The following TRIM52 variants were observed in gnomAD, a reference collection of about 807,000 sequenced individuals.
The protein encoded by TRIM52 is tripartite motif containing 52, also known as E3 ubiquitin-protein ligase TRIM52.
In TRIM52, 24 loss-of-function variants were observed where a neutral mutation model predicts 27.0. The observed-to-expected ratio is 0.89, with a 90% CI of 0.64 to 1.25. The LOEUF is 1.25. Ranked by LOEUF, TRIM52 falls within the 50% of genes most tolerant of loss-of-function variation. TRIM52 has a pLI of 0.00. For missense variants in TRIM52, 351 were observed against 354.7 expected, an observed-to-expected ratio of 0.99 and a Z score of 0.08; for synonymous variants, 125 against 126.5, an observed-to-expected ratio of 0.99 and a Z score of 0.08.
downstream of TRIM52, among the ~76,000 whole-genome samples, chr5:181,252,019 T>C (rs144580494): frequency 3.4e-4 from 52 of 152,358 alleles, no homozygotes; most frequent in African/African-American, 9.9e-4. Context: ...CCTTTTTTGA[T>C]AGGAGAAGGT....
chr5:181,257,410 CAT>C (rs768041503), intron 1 of TRIM52: 1 of 1,604,372 alleles, frequency 6.2e-7, no homozygotes, highest in Admixed American at 1.7e-5. Context: ...ACTTTTCACA[CAT>C]CTTACTGATT....
chr5:181,260,946 A>G lies in TRIM52; in HGVS notation c.-133T>C, dbSNP rs1461252664. 9 of 1,365,454 alleles carry G rather than the reference A, an allele frequency of 6.6e-6. No individual in the cohort carries two copies. The highest frequency in any genetic ancestry group is 8.7e-6 in the Non-Finnish European group (9 of 1,034,336). 84.6% of individuals were successfully genotyped at this position (1,365,454 alleles called of 1,614,324 possible). A position where few individuals can be genotyped will look rare whatever the true frequency, so the allele number is the denominator to read the frequency against. On this transcript the variant is annotated 5_prime_UTR_variant, in exon 1 of 2. Coordinates refer to ENST00000688015, the MANE Select transcript of TRIM52 (RefSeq NM_001346048.2). This position sits in a 1 kb window ranked among gnomAD's most constrained non-coding sequence, Gnocchi z 4.4. The stretch of plus-strand genomic sequence containing the variant: ...CCTTGCTCTTCTTCCTCGGGGCCGC[A>G]GGGGAGCTTTGACCCCCTCTCTCAG...
In TRIM52 at chr5:181,256,805, G is replaced by A. The variant is rs2113242912; in HGVS notation, c.*4C>T. On this transcript the variant is annotated 3_prime_UTR_variant, in exon 2 of 2. Coordinates refer to ENST00000688015, the MANE Select transcript of TRIM52 (RefSeq NM_001346048.2). ...GCATGAATTTAACAGTGTTTGGCATGGTGTCACTGCCCAACACTTTCAGAT... is the reference window on the plus strand; with the variant it reads ...GCATGAATTTAACAGTGTTTGGCATAGTGTCACTGCCCAACACTTTCAGAT... 1.0e-6 allele frequency: 1 copy of A among 985,028 alleles called. No homozygotes were observed. The highest frequency in any genetic ancestry group is 4.7e-5 in the South Asian group (1 of 21,278). The allele number at this position is 985,028 out of a possible 1,614,324, so 61.0% of individuals were successfully genotyped here. A position where few individuals can be genotyped will look rare whatever the true frequency, so the allele number is the denominator to read the frequency against.
chr5:181,257,609 A>T, intron 1 of TRIM52: 6 of 735,244 alleles, frequency 8.2e-6, no homozygotes, highest in Non-Finnish European at 1.2e-5. Context: ...GTTAACTATT[A>T]TTATGACTTT....
downstream of TRIM52, among the ~76,000 whole-genome samples, chr5:181,249,827 GTTTT>G (rs1237894738): frequency 2.3e-5 from 3 of 128,470 alleles, no homozygotes; most frequent in African/African-American, 3.0e-5. Flanking sequence ...ATCACTTGCA[GTTTT>G]TTTTTTTTTT....
At chr5:181,249,388 T>C (rs2113229863), downstream of TRIM52, among the ~76,000 whole-genome samples, 1 of 152,254 alleles carries the variant, frequency 6.6e-6, no homozygotes, top group African/African-American at 2.4e-5. Context: ...TTGGCCTCTG[T>C]ATATAGGAGC....
At chr5:181,252,986 G>A (rs1002378186), downstream of TRIM52, among the ~76,000 whole-genome samples, 13 of 151,800 alleles carry the variant, frequency 8.6e-5, no homozygotes, top group African/African-American at 3.1e-4. Context: ...CACTCCAAGA[G>A]CAGGGAGTAG....
In TRIM52 at chr5:181,260,515, T is replaced by C; in HGVS notation, c.299A>G (p.Asp100Gly). Residue 100 changes from aspartate to glycine, a missense_variant, in exon 1 of 2, where the codon GAT becomes GGT. Transcript: ENST00000688015. The surrounding 1 kb of genome is among the most constrained non-coding windows in gnomAD (Gnocchi z 4.4). Reference sequence around the variant, plus strand: ...GTCACCGAGCCAGAGTTCATCGTCATCTTGGTCTTGGAACAACTCTTCGTC... The same window carrying C: ...GTCACCGAGCCAGAGTTCATCGTCACCTTGGTCTTGGAACAACTCTTCGTC... ...NADEELFQDQ[D>G]DDELWLGDSG... 1 of 1,613,964 alleles carries C rather than the reference T, an allele frequency of 6.2e-7. No homozygotes were observed. Among genetic ancestry groups the C allele is most frequent in the Non-Finnish European group, 8.5e-7 (1 of 1,179,998 alleles).
intron 1 of TRIM52, 53 bp downstream of exon 1, chr5:181,259,948 C>A (rs1168033213): frequency 6.2e-7 from 1 of 1,611,856 alleles, no homozygotes; most frequent in Admixed American, 1.7e-5. Flanking sequence ...CCTCAGCTCT[C>A]CTAGTTACCT....
In TRIM52 at chr5:181,260,548, C is replaced by G; in HGVS notation, c.266G>C (p.Gly89Ala). ...TTGGAACAACTCTTCGTCAGCATTCCCCCGATACAACACCTCTCGAATGGA... is the reference window on the plus strand; with the variant it reads ...TTGGAACAACTCTTCGTCAGCATTCGCCCGATACAACACCTCTCGAATGGA... ...DGSIREVLYR[G>A]NADEELFQDQ... is the part of the protein sequence containing the mutation. The change falls in exon 1 of 2, where the codon GGG (glycine) becomes GCG (alanine). Residue 89 changes from glycine to alanine, a missense_variant. Transcript: ENST00000688015. This position sits in a 1 kb window ranked among gnomAD's most constrained non-coding sequence, Gnocchi z 4.4. 6.2e-7 allele frequency: 1 copy of G among 1,613,990 alleles called. No individual in the cohort carries two copies. The highest frequency in any genetic ancestry group is 8.5e-7 in the Non-Finnish European group (1 of 1,179,996).
chr5:181,255,365 C>A lies in TRIM52; in HGVS notation c.*1444G>T, dbSNP rs942014942. Reference sequence around the variant, plus strand: ...GGAGCAAATGGAATAGTGGATAAAGCCTTTTCATCTGTTTAGTCATTTTAC... The same window carrying A: ...GGAGCAAATGGAATAGTGGATAAAGACTTTTCATCTGTTTAGTCATTTTAC... On this transcript the variant is annotated 3_prime_UTR_variant, in exon 2 of 2. Coordinates refer to ENST00000688015, the MANE Select transcript of TRIM52 (RefSeq NM_001346048.2). 5.9e-5 allele frequency: 9 copies of A among 152,112 alleles called. No homozygotes were observed. The highest frequency in any genetic ancestry group is 1.9e-4 in the African/African-American group (8 of 41,404). 9.4% of individuals were successfully genotyped at this position (152,112 alleles called of 1,614,324 possible). A position where few individuals can be genotyped will look rare whatever the true frequency, so the allele number is the denominator to read the frequency against.
chr5:181,251,505 C>T (rs1292257633), downstream of TRIM52, among the ~76,000 whole-genome samples: 1 of 152,142 alleles, frequency 6.6e-6, no homozygotes, highest in Non-Finnish European at 1.5e-5. Flanking sequence ...TAATTCAAAT[C>T]CCCGAGGTGT....
At chr5:181,249,590 C>T (rs868066352), downstream of TRIM52, among the ~76,000 whole-genome samples, 12 of 151,836 alleles carry the variant, frequency 7.9e-5, no homozygotes, top group African/African-American at 2.9e-4. Flanking sequence ...GCAGGAGGAT[C>T]GCTTGAGCCC....
rs982797022 is a variant in TRIM52 at position 181,257,611 on chromosome 5, T to G, written c.814-752A>C. On this transcript the variant is annotated intron_variant, in intron 1 of 1. Transcript: ENST00000688015. ...AGTTCCTTGTACTGTTAACTATTAT[T>G]ATGACTTTGGTCAGTAAAATTCTAA... is the stretch of plus-strand genomic sequence containing the variant. The G allele has an allele frequency of 6.8e-6, 5 of 730,018 alleles. No individual in the cohort carries two copies. In the Admixed American group the frequency reaches 1.5e-4, roughly 21 times the overall value. 45.2% of individuals were successfully genotyped at this position (730,018 alleles called of 1,614,324 possible).
downstream of TRIM52, among the ~76,000 whole-genome samples, chr5:181,251,420 G>A (rs1315529099): frequency 6.6e-6 from 1 of 152,164 alleles, no homozygotes; most frequent in East Asian, 1.9e-4. Context: ...TTGGCTGTTT[G>A]GAGCTGTGTA....
At chr5:181,252,445 T>C (rs1254154474), downstream of TRIM52, among the ~76,000 whole-genome samples, 1 of 152,274 alleles carries the variant, frequency 6.6e-6, no homozygotes, top group African/African-American at 2.4e-5. Flanking sequence ...TAGTATCTAC[T>C]GTATTAGACA....
At chr5:181,251,490 A>G (rs537161796), downstream of TRIM52, among the ~76,000 whole-genome samples, 50 of 152,192 alleles carry the variant, frequency 3.3e-4, no homozygotes, top group Non-Finnish European at 6.3e-4. Context: ...CCAAAGGGCT[A>G]TTTCTAATTC....
At chr5:181,251,716 A>G (rs957974294), downstream of TRIM52, among the ~76,000 whole-genome samples, 2 of 152,142 alleles carry the variant, frequency 1.3e-5, no homozygotes, top group Non-Finnish European at 2.9e-5. Context: ...TGGACAGACT[A>G]TGATTAAATT....
At chr5:181,251,358 A>G (rs1759630259), downstream of TRIM52, among the ~76,000 whole-genome samples, 1 of 152,038 alleles carries the variant, frequency 6.6e-6, no homozygotes, top group African/African-American at 2.4e-5. Flanking sequence ...CAGCAGGGGG[A>G]ATCGCTATAG....
Sources: gnomAD v4.1 joint callset for allele counts (sites outside exome capture counted in the v4.1 genomes callset) on GRCh38, gnomAD v4.1.1 for gene constraint, Gnocchi (gnomAD v3.1) non-coding constraint, MANE v1.5 for transcripts, NCBI Gene and HGNC (gene_info 2026-07-23, HGNC 2026-07-21) for gene names.